The following MAP3K20 variants were observed in gnomAD, a reference collection of about 807,000 sequenced individuals.
MAP3K20 encodes mitogen-activated protein kinase kinase kinase 20.
A neutral mutation model predicts 85.7 loss-of-function variants in MAP3K20; 40 were observed. That is an observed-to-expected ratio of 0.47 (90% CI 0.36 to 0.61). The LOEUF is 0.61. Among genes scored for constraint, MAP3K20 ranks in the 20% least tolerant of loss-of-function variants. The pLI is 0.00. For synonymous variants in MAP3K20, 325 were observed against 327.7 expected, an observed-to-expected ratio of 0.99 and a Z score of 0.09; for missense variants, 817 against 961.7, an observed-to-expected ratio of 0.85 and a Z score of 1.99.
At chr2:173,222,756 G>T in intron 11 of MAP3K20, 1 of 985,294 alleles carries the variant, frequency 1.0e-6, no homozygotes, top group African/African-American at 1.7e-5. Context: ...GTTGTTTTTT[G>T]TTTTAACCCT....
At chr2:173,224,298 T>C (rs1684328457) in intron 11 of MAP3K20, 2 of 985,292 alleles carry the variant, frequency 2.0e-6, no homozygotes, top group African/African-American at 3.5e-5. Flanking sequence ...TATGTAAGAA[T>C]GTAAACCTGG....
intron 11 of MAP3K20, chr2:173,226,161 T>G: frequency 1.0e-6 from 1 of 981,604 alleles, no homozygotes; most frequent in Non-Finnish European, 1.2e-6. Context: ...TAGTCAAACT[T>G]GATCCCCATT....
intron 9 of MAP3K20, 78 bp from the exon 10 acceptor site, chr2:173,209,651 C>A: frequency 8.4e-7 from 1 of 1,191,762 alleles, no homozygotes; most frequent in Non-Finnish European, 1.2e-6. Context: ...TATTACTATG[C>A]TTGTAGTATC....
intron 2 of MAP3K20, among the ~76,000 whole-genome samples, chr2:173,120,014 G>A (rs186927021): frequency 6.6e-6 from 1 of 152,176 alleles, no homozygotes; most frequent in East Asian, 1.9e-4. Flanking sequence ...CAAAGAACAA[G>A]CAAAGCCCCC....
chr2:173,209,144 T>G (rs1683790455), intron 9 of MAP3K20, among the ~76,000 whole-genome samples: 1 of 152,228 alleles, frequency 6.6e-6, no homozygotes, highest in South Asian at 2.1e-4. Flanking sequence ...GTAGATTGTG[T>G]GTCATGGAGG....
At chr2:173,209,617 T>C in intron 9 of MAP3K20, 112 bp from the exon 10 acceptor site, 1 of 818,306 alleles carries the variant, frequency 1.2e-6, no homozygotes, top group Non-Finnish European at 1.9e-6. Context: ...TATCATGTTT[T>C]ATTTTGTTAT....
chr2:173,217,318 A>C (rs1015549292), intron 11 of MAP3K20, 68 bp downstream of exon 11: 19 of 1,356,564 alleles, frequency 1.4e-5, no homozygotes, highest in Admixed American at 8.5e-5. Flanking sequence ...GCATGGCAGC[A>C]TGGCACCTCT....
In MAP3K20 at chr2:173,239,491, C is replaced by T. The variant is rs1315742725; in HGVS notation, c.1354C>T (p.Pro452Ser). The change falls in exon 16 of 20, where the codon CCA becomes TCA. Residue 452 changes from proline to serine, a missense_variant. Physicochemically the swap from Pro to Ser is moderately conservative, Grantham distance 74. Coordinates refer to ENST00000375213, the MANE Select transcript of MAP3K20 (RefSeq NM_016653.3). ...TTTTCACTTGAAACCAGGAACTGGCCCACAGGTAAATCACATTTTAAATCC... is the reference window on the plus strand; with the variant it reads ...TTTTCACTTGAAACCAGGAACTGGCTCACAGGTAAATCACATTTTAAATCC... ...FGFHLKPGTG[P>S]QDCKWKMYME... The T allele has an allele frequency of 1.2e-6, 2 of 1,610,392 alleles. No individual in the cohort carries two copies. Among genetic ancestry groups the T allele is most frequent in the Non-Finnish European group, 8.5e-7 (1 of 1,179,158 alleles).
In MAP3K20 at chr2:173,079,167, C is replaced by T. The variant is rs374134895; in HGVS notation, c.-35+3165C>T. Reference sequence around the variant, plus strand: ...TGTGAGATAGTCCGTTGCTCCTAGGCTACAGACCTATGTAGCATGCTGCTA... The same window carrying T: ...TGTGAGATAGTCCGTTGCTCCTAGGTTACAGACCTATGTAGCATGCTGCTA... On this transcript the variant is annotated intron_variant, in intron 1 of 19. Coordinates refer to ENST00000375213, the MANE Select transcript of MAP3K20 (RefSeq NM_016653.3). Among the ~76,000 whole-genome samples the T allele has an allele frequency of 5.4e-4, 83 of 152,336 alleles. 1 individual carries two copies. In the South Asian group the frequency reaches 9.7e-3, roughly 18 times the overall value.
chr2:173,142,681 A>T (rs1689011923), intron 2 of MAP3K20, among the ~76,000 whole-genome samples: 1 of 152,198 alleles, frequency 6.6e-6, no homozygotes, highest in Non-Finnish European at 1.5e-5. Context: ...ATGAATGAAA[A>T]TGATATACTA....
chr2:173,121,120 G>A (rs1250053023), intron 2 of MAP3K20, among the ~76,000 whole-genome samples: 2 of 152,178 alleles, frequency 1.3e-5, no homozygotes, highest in Non-Finnish European at 2.9e-5. Context: ...AATCAGAAAT[G>A]CTTTCAGGGT....
At chr2:173,263,674 T>C in intron 18 of MAP3K20, 71 bp from the exon 19 acceptor site, 1 of 1,444,726 alleles carries the variant, frequency 6.9e-7, no homozygotes, top group Non-Finnish European at 9.4e-7. Context: ...CCATTTTATA[T>C]ATGTGTGTCT....
Position 173,144,462 on chromosome 2 carries a change from CAAA to C in MAP3K20, c.160-25322_160-25320del, listed in dbSNP as rs71018537. 2.7e-4 allele frequency among the ~76,000 whole-genome samples: 25 copies of C among 92,888 alleles called. No individual in the cohort carries two copies. The East Asian group carries it at 4.7e-3, about 18-fold the overall frequency. 60.9% of individuals were successfully genotyped at this position (92,888 alleles called of 152,430 possible). ...TGGGCAACAGAGGGAGACTCCGTCT[CAAA>C]AAAAAAAAAAAAAAAAAAAAGAAAA... On this transcript the variant is annotated intron_variant, in intron 2 of 19. Transcript: ENST00000375213.
chr2:173,261,009 A>G (rs1685278409), intron 17 of MAP3K20, 54 bp from the exon 18 acceptor site: 2 of 1,543,544 alleles, frequency 1.3e-6, no homozygotes, highest in African/African-American at 2.7e-5. Context: ...GAAACATACT[A>G]TAGTAGAGCA....
chr2:173,142,166 T>C (rs1258321521), intron 2 of MAP3K20, among the ~76,000 whole-genome samples: 1 of 152,212 alleles, frequency 6.6e-6, no homozygotes, highest in Admixed American at 6.5e-5. Context: ...TTGTATAATG[T>C]ATGTACGTTA....
intron 16 of MAP3K20, among the ~76,000 whole-genome samples, chr2:173,239,763 G>A (rs1684738274): frequency 6.7e-6 from 1 of 148,742 alleles, no homozygotes; most frequent in South Asian, 2.3e-4. Context: ...GGACAGGGAA[G>A]GGGGGCCGTG....
intron 1 of MAP3K20, among the ~76,000 whole-genome samples, chr2:173,090,168 T>C (rs1159708322): frequency 6.6e-6 from 1 of 152,210 alleles, no homozygotes; most frequent in Non-Finnish European, 1.5e-5. Flanking sequence ...AGTTTTTGTG[T>C]TTGTAAGTCT....
intron 2 of MAP3K20, among the ~76,000 whole-genome samples, chr2:173,109,081 CCTTA>C (rs1490791340): frequency 1.3e-5 from 2 of 152,160 alleles, no homozygotes; most frequent in Admixed American, 1.3e-4. Flanking sequence ...ATTTTAATCT[CCTTA>C]CTTCTCTTTT....
chr2:173,190,014 C>T lies in MAP3K20; in HGVS notation c.416-881C>T, dbSNP rs558166206. Among the ~76,000 whole-genome samples, 3 of 152,258 alleles carry T rather than the reference C, an allele frequency of 2.0e-5. No individual in the cohort carries two copies. The South Asian group carries it at 6.2e-4, about 32-fold the overall frequency. ...CCCTCTGCACCTTTGCTCATTTCAT[C>T]CCTCCACATAAAATTGTTCATTGGC... is the stretch of plus-strand genomic sequence containing the variant. On this transcript the variant is annotated intron_variant, in intron 5 of 19. Coordinates refer to ENST00000375213, the MANE Select transcript of MAP3K20 (RefSeq NM_016653.3).
Sources: gnomAD v4.1 joint callset for allele counts (sites outside exome capture counted in the v4.1 genomes callset) on GRCh38, gnomAD v4.1.1 for gene constraint, MANE v1.5 for transcripts, NCBI Gene and HGNC (gene_info 2026-07-23, HGNC 2026-07-21) for gene names.